The following DLC1 variants were observed in gnomAD, a reference collection of about 807,000 sequenced individuals.
DLC1 encodes DLC1 Rho GTPase activating protein.
Under a neutral mutation model 140.3 loss-of-function variants are expected in DLC1, and 54 were observed. The ratio of observed to expected loss-of-function variants is 0.38; its 90% CI spans 0.31 to 0.48. The LOEUF (loss-of-function observed/expected upper bound fraction) is 0.48. Among genes scored for constraint, DLC1 ranks in the 20% least tolerant of loss-of-function variants. The pLI is 0.96. For synonymous variants in DLC1, 986 were observed against 728.1 expected (o/e 1.35, Z -5.70); for missense variants, 2,536 against 1,907.0 (o/e 1.33, Z -6.14).
intron 5 of DLC1, among the ~76,000 whole-genome samples, chr8:13,257,721 GAAA>G (rs56257500): frequency 1.4e-5 from 2 of 145,918 alleles, no homozygotes; most frequent in African/African-American, 5.0e-5. Context: ...CGGAAAAGAA[GAAA>G]AAAAAAAAAA....
chr8:13,367,443 G>A (rs1284081490), intron 4 of DLC1, among the ~76,000 whole-genome samples: 1 of 152,076 alleles, frequency 6.6e-6, no homozygotes, highest in Non-Finnish European at 1.5e-5. Flanking sequence ...CGTCATTAGG[G>A]GGCCCAATAG....
At chr8:13,166,726 A>T (rs1026775918) in intron 5 of DLC1, among the ~76,000 whole-genome samples, 1 of 145,390 alleles carries the variant, frequency 6.9e-6, no homozygotes, top group Non-Finnish European at 1.5e-5. Flanking sequence ...ACTGCTGAAT[A>T]TATTTTTTAG....
At chr8:13,393,497 C>A (rs1166072553) in intron 4 of DLC1, 56 bp downstream of exon 4, 3 of 1,545,792 alleles carry the variant, frequency 1.9e-6, no homozygotes, top group Non-Finnish European at 2.6e-6. Context: ...TCAACTCTTA[C>A]CTGATGATCA....
rs111776147 is a variant in DLC1, at chr8:13,549,898, C to T, written c.-125-49702G>A. Reference sequence around the variant, plus strand: ...TCCACTGTTTTCAAAAGTGGCTCTCCGGCTTGTTTACAAACTACACGTGAA... The same window carrying T: ...TCCACTGTTTTCAAAAGTGGCTCTCTGGCTTGTTTACAAACTACACGTGAA... On this transcript the variant is annotated intron_variant, in intron 1 of 1. Transcript: ENST00000631382. Among the ~76,000 whole-genome samples the T allele has an allele frequency of 3.0e-3, 464 of 152,178 alleles. 1 individual carries two copies. Among genetic ancestry groups the T allele is most frequent in the African/African-American group, 0.011 (442 of 41,516 alleles).
At chr8:13,206,645 T>C (rs564115011) in intron 5 of DLC1, among the ~76,000 whole-genome samples, 5 of 152,168 alleles carry the variant, frequency 3.3e-5, no homozygotes, top group Non-Finnish European at 7.4e-5. Context: ...AAACGAGCTA[T>C]TTTAGCAAAA....
intron 5 of DLC1, among the ~76,000 whole-genome samples, chr8:13,281,929 C>T (rs532783900): frequency 2.0e-5 from 3 of 152,282 alleles, no homozygotes; most frequent in South Asian, 2.1e-4. Flanking sequence ...TTCAATTCTG[C>T]GCCTTGCCAG....
intron 12 of DLC1, among the ~76,000 whole-genome samples, chr8:13,094,040 A>G (rs1382394400): frequency 6.6e-6 from 1 of 152,242 alleles, no homozygotes. Flanking sequence ...AAGATAAAAC[A>G]CACAGACACC....
chr8:13,097,743 G>C (rs1372399599), intron 10 of DLC1, among the ~76,000 whole-genome samples: 1 of 152,088 alleles, frequency 6.6e-6, no homozygotes, highest in Non-Finnish European at 1.5e-5. Flanking sequence ...GGAAGGAGGT[G>C]CCTATACCAC....
chr8:13,200,104 G>A (rs1306940650), intron 5 of DLC1, among the ~76,000 whole-genome samples: 2 of 152,072 alleles, frequency 1.3e-5, no homozygotes, highest in African/African-American at 2.4e-5. Context: ...GTGCAATGGC[G>A]TGATCTCTGC....
At chr8:13,410,935 C>G (rs1205136858) in intron 2 of DLC1, among the ~76,000 whole-genome samples, 1 of 152,250 alleles carries the variant, frequency 6.6e-6, no homozygotes, top group East Asian at 1.9e-4. Context: ...TTTAAAAACT[C>G]AAAGGAGCCT....
At chr8:13,502,758 T>C (rs910552514) in intron 1 of DLC1, among the ~76,000 whole-genome samples, 2 of 152,250 alleles carry the variant, frequency 1.3e-5, no homozygotes, top group African/African-American at 4.8e-5. Context: ...TTCAGATTTC[T>C]ATTACATTTC....
chr8:13,515,967 G>T (rs548323528), upstream of DLC1, among the ~76,000 whole-genome samples: 1 of 152,272 alleles, frequency 6.6e-6, no homozygotes, highest in South Asian at 2.1e-4. Context: ...AATGTGGAAG[G>T]AAAGAAGAGG....
At chr8:13,156,908 C>A (rs1256451318) in intron 5 of DLC1, among the ~76,000 whole-genome samples, 1 of 152,194 alleles carries the variant, frequency 6.6e-6, no homozygotes, top group Non-Finnish European at 1.5e-5. Flanking sequence ...AGAATAGCCA[C>A]TGTCTATTGC....
intron 5 of DLC1, among the ~76,000 whole-genome samples, chr8:13,139,581 G>C (rs186828556): frequency 6.6e-6 from 1 of 152,174 alleles, no homozygotes; most frequent in South Asian, 2.1e-4. Flanking sequence ...TGAATTCTTA[G>C]TCCTGATTTG....
At chr8:13,541,195 T>C (rs1803473176) in intron 1 of DLC1, among the ~76,000 whole-genome samples, 1 of 152,206 alleles carries the variant, frequency 6.6e-6, no homozygotes, top group Non-Finnish European at 1.5e-5. Context: ...GTTTATACAC[T>C]CACAGGTTGG....
chr8:13,596,660 TC>T (rs1484666506), intron 1 of DLC1, among the ~76,000 whole-genome samples: 1 of 151,720 alleles, frequency 6.6e-6, no homozygotes, highest in East Asian at 1.9e-4. Context: ...AATTTGGGAG[TC>T]TTTCAAATGA....
intron 4 of DLC1, among the ~76,000 whole-genome samples, chr8:13,318,731 A>C (rs1832961085): frequency 6.6e-6 from 1 of 152,232 alleles, no homozygotes; most frequent in Non-Finnish European, 1.5e-5. Context: ...ATCTTAAGGG[A>C]GCAGGAAACA....
intron 1 of DLC1, chr8:13,568,072 T>C (rs2117402668): frequency 1.8e-6 from 2 of 1,089,798 alleles, no homozygotes; most frequent in East Asian, 2.7e-5. Flanking sequence ...GAACTTTCAC[T>C]TTTTTTTTCC....
intron 5 of DLC1, chr8:13,133,200 A>G (rs1398164747): frequency 1.1e-5 from 16 of 1,424,722 alleles, no homozygotes; most frequent in Non-Finnish European, 1.5e-5. Flanking sequence ...TTGGGCGAGA[A>G]GTCCGTGAGC....
Sources: gnomAD v4.1 joint callset for allele counts (sites outside exome capture counted in the v4.1 genomes callset) on GRCh38, gnomAD v4.1.1 for gene constraint, MANE v1.5 for transcripts, NCBI Gene and HGNC (gene_info 2026-07-23, HGNC 2026-07-21) for gene names.